GOT1: variants seen among roughly 807,000 people sequenced by gnomAD.
The protein encoded by GOT1 is glutamic-oxaloacetic transaminase 1, also known as aspartate aminotransferase, cytoplasmic.
GOT1 carries 25 observed loss-of-function variants against 48.2 expected under a neutral mutation model. The ratio of observed to expected loss-of-function variants is 0.52; its 90% confidence interval spans 0.38 to 0.72. The LOEUF is 0.72. Among genes scored for constraint, GOT1 ranks in the 30% least tolerant of loss-of-function variants. GOT1 has a pLI of 0.00. For synonymous variants in GOT1, 188 were observed against 193.8 expected (o/e 0.97, Z 0.25); for missense variants, 380 against 520.1 (o/e 0.73, Z 2.62).
At chr10:99,429,174 C>G (rs537634687) in intron 1 of GOT1, among the ~76,000 whole-genome samples, 3 of 152,044 alleles carry the variant, frequency 2.0e-5, no homozygotes, top group Admixed American at 2.0e-4. Context: ...CTCAGCCTCC[C>G]GAGTACCTGG....
chr10:99,422,577 A>C (rs2032984969), intron 1 of GOT1, among the ~76,000 whole-genome samples: 1 of 152,140 alleles, frequency 6.6e-6, no homozygotes, highest in Non-Finnish European at 1.5e-5. Context: ...TATTCTTCTA[A>C]TAGGTGACAT....
intron 7 of GOT1, 126 bp from the exon 8 acceptor site, chr10:99,402,848 A>C: frequency 1.3e-6 from 1 of 741,218 alleles, no homozygotes; most frequent in Non-Finnish European, 2.3e-6. Flanking sequence ...CTATTATGGC[A>C]TGTGGATGTC....
chr10:99,415,614 C>T (rs2032884988), intron 2 of GOT1, among the ~76,000 whole-genome samples: 1 of 152,172 alleles, frequency 6.6e-6, no homozygotes, highest in Admixed American at 6.5e-5. Context: ...CATCCTGATA[C>T]CAAAGCCTGG....
In GOT1 at chr10:99,405,738, C is replaced by G; in HGVS notation, c.642+18G>C. 8.7e-7 allele frequency: 1 copy of G among 1,149,878 alleles called. No individual in the cohort carries two copies. The highest frequency in any genetic ancestry group is 1.3e-6 in the Non-Finnish European group (1 of 755,666). The allele number at this position is 1,149,878 out of a possible 1,614,324, so 71.2% of individuals were successfully genotyped here. A position where few individuals can be genotyped will look rare whatever the true frequency, so the allele number is the denominator to read the frequency against. On this transcript the variant is annotated intron_variant, in intron 5 of 8. Transcript: ENST00000370508. ...AATATATACTATTTTTTAAGAGATG[C>G]TCTGAAGGGGCAGTTACCTTCATGA... is the stretch of plus-strand genomic sequence containing the variant.
At chr10:99,418,928 A>G (rs770009965) in intron 2 of GOT1, among the ~76,000 whole-genome samples, 75 of 152,220 alleles carry the variant, frequency 4.9e-4, no homozygotes, top group Non-Finnish European at 8.7e-4. Flanking sequence ...ATATGACTTC[A>G]GTTCATTGAG....
intron 2 of GOT1, among the ~76,000 whole-genome samples, chr10:99,414,238 G>T (rs2032865049): frequency 6.6e-6 from 1 of 152,156 alleles, no homozygotes; most frequent in African/African-American, 2.4e-5. Flanking sequence ...ATAAAGGGAT[G>T]GAGGAAGATC....
Position 99,403,729 on chromosome 10 carries a change from A to G in GOT1, c.788T>C (p.Leu263Pro). 6.2e-7 allele frequency: 1 copy of G among 1,614,212 alleles called. No homozygotes were observed. The highest frequency in any genetic ancestry group is 8.5e-7 in the Non-Finnish European group (1 of 1,180,028). ...CAQSFSKNFG[L>P]YNERVGNLTV... The stretch of plus-strand genomic sequence containing the variant: ...CTCCTCAGGAGAGCACTCACTGTAG[A>G]GCCCGAAGTTCTTGGAGAAGGACTG... The change falls in exon 6 of 9, where the codon CTC becomes CCC. Residue 263 changes from leucine (L) to proline (P), a missense_variant. Physicochemically the swap from Leu to Pro is moderately conservative, Grantham distance 98. Transcript: ENST00000370508.
chr10:99,413,877 G>C (rs867017649), intron 2 of GOT1, among the ~76,000 whole-genome samples: 2 of 152,134 alleles, frequency 1.3e-5, no homozygotes, highest in African/African-American at 4.8e-5. Context: ...ATCCTTTACA[G>C]ACAAGCAAAT....
intron 8 of GOT1, among the ~76,000 whole-genome samples, chr10:99,398,577 G>A (rs1346169695): frequency 6.6e-6 from 1 of 152,038 alleles, no homozygotes; most frequent in Non-Finnish European, 1.5e-5. Context: ...GGCTGAGGCA[G>A]GAGAATTGCT....
chr10:99,422,417 C>T (rs913254232), intron 1 of GOT1, among the ~76,000 whole-genome samples: 2 of 152,124 alleles, frequency 1.3e-5, no homozygotes, highest in African/African-American at 2.4e-5. Context: ...TACTCAGAGA[C>T]AAGGAGTATG....
At chr10:99,406,335 T>G in intron 3 of GOT1, 86 bp from the exon 4 acceptor site, 14 of 904,786 alleles carry the variant, frequency 1.5e-5, no homozygotes, top group Non-Finnish European at 2.6e-5. Flanking sequence ...TCCAGGGCCC[T>G]CCCAGGCTCA....
intron 8 of GOT1, among the ~76,000 whole-genome samples, chr10:99,399,861 G>C (rs1327478766): frequency 6.6e-6 from 1 of 152,188 alleles, no homozygotes; most frequent in Non-Finnish European, 1.5e-5. Flanking sequence ...AGGGCAAAGG[G>C]TAAGTTTTCC....
At chr10:99,426,685 A>T (rs1319060954) in intron 1 of GOT1, among the ~76,000 whole-genome samples, 1 of 152,176 alleles carries the variant, frequency 6.6e-6, no homozygotes, top group Admixed American at 6.5e-5. Context: ...CACTAAAATG[A>T]TCAACTTAGA....
chr10:99,401,365 T>C (rs1411936146), intron 8 of GOT1, among the ~76,000 whole-genome samples: 1 of 152,172 alleles, frequency 6.6e-6, no homozygotes, highest in Admixed American at 6.6e-5. Context: ...TTATTTCCTT[T>C]GGATTTTTCT....
intron 2 of GOT1, among the ~76,000 whole-genome samples, chr10:99,412,640 C>G (rs1291386084): frequency 6.6e-6 from 1 of 151,970 alleles, no homozygotes; most frequent in Admixed American, 6.6e-5. Context: ...GAACGGACAG[C>G]CTGCCTCCTC....
intron 2 of GOT1, among the ~76,000 whole-genome samples, chr10:99,418,182 A>C (rs575473570): frequency 1.1e-4 from 16 of 152,184 alleles, no homozygotes; most frequent in Admixed American, 9.8e-4. Context: ...GCTGCCATGA[A>C]GATGGCCTTT....
At chr10:99,421,901 T>C (rs1386149452) in intron 1 of GOT1, among the ~76,000 whole-genome samples, 2 of 152,214 alleles carry the variant, frequency 1.3e-5, no homozygotes, top group Non-Finnish European at 2.9e-5. Flanking sequence ...GGGTTGTTGT[T>C]ACCATTTACT....
Position 99,403,820 on chromosome 10 carries a change from T to C in GOT1, c.697A>G (p.Asn233Asp), listed in dbSNP as rs1354358797. The C allele has an allele frequency of 6.2e-7, 1 of 1,613,880 alleles. No homozygotes were observed. The highest frequency in any genetic ancestry group is 8.5e-7 in the Non-Finnish European group (1 of 1,179,928). The part of the protein sequence containing the change: ...DSAYQGFASG[N>D]LERDAWAIRY... ...ATGGCCCAGGCATCTCTCTCCAGGT[T>C]TCCAGATGCGAAGCCCTGATAGGCT... Residue 233 changes from asparagine (N) to aspartate (D), a missense_variant, in exon 6 of 9, where the codon AAC becomes GAC. Transcript: ENST00000370508.
At position 99,430,529 on chromosome 10, in the gene GOT1, C is replaced by T. The variant is rs1318517540; in HGVS notation, c.37G>A (p.Ala13Thr). ...AGCTTGAAGACCAGGACAGGCTGGG[C>T]CTGCGGAACCTCGGCAAAGACTGAC... Reference protein sequence around the residue: ...PPSVFAEVPQAQPVLVFKLTA... With the variant: ...PPSVFAEVPQTQPVLVFKLTA... The change falls in exon 1 of 9, where the codon GCC (alanine) becomes ACC (threonine). Residue 13 changes from alanine (A) to threonine (T), a missense_variant. By Grantham distance (58) the Ala-to-Thr change is moderately conservative. Transcript: ENST00000370508. 1.2e-6 allele frequency: 2 copies of T among 1,609,208 alleles called. No homozygotes were observed.
Sources: allele counts gnomAD v4.1 joint callset (sites outside exome capture counted in the v4.1 genomes callset), GRCh38; gene constraint gnomAD v4.1.1; transcripts MANE v1.5; gene names NCBI Gene and HGNC (gene_info 2026-07-23, HGNC 2026-07-21).